Variants in LRRC37A2 observed in about 807,000 individuals in gnomAD.
LRRC37A2 encodes the protein leucine-rich repeat-containing protein 37A2.
LRRC37A2 carries 9 observed loss-of-function variants against 68.8 expected under a neutral mutation model. That is an observed-to-expected ratio of 0.13 (90% CI 0.08 to 0.23). LRRC37A2 has a LOEUF of 0.23. Ranked by LOEUF, LRRC37A2 falls within the 10% of genes least tolerant of loss-of-function variation. The pLI is 1.00. For synonymous variants in LRRC37A2, 63 were observed against 367.6 expected, an observed-to-expected ratio of 0.17 and a Z score of 9.48; for missense variants, 168 against 950.4, an observed-to-expected ratio of 0.18 and a Z score of 10.82.
chr17:46,727,663 T>C, the LRRC37A2 span, among the ~76,000 whole-genome samples: 1 of 152,212 alleles, frequency 6.6e-6, no homozygotes. Context: ...CTAGGTTTGA[T>C]ACATCTCAGC....
At chr17:46,499,256 G>A in the LRRC37A2 span, among the ~76,000 whole-genome samples, 1 of 125,926 alleles carries the variant, frequency 7.9e-6, no homozygotes, top group Non-Finnish European at 1.6e-5. Flanking sequence ...AGGTTGCAGG[G>A]AGCCAAGATT....
chr17:46,926,734 A>T, the LRRC37A2 span, among the ~76,000 whole-genome samples: 1 of 152,124 alleles, frequency 6.6e-6, no homozygotes, highest in Non-Finnish European at 1.5e-5. Flanking sequence ...TTTCATATTT[A>T]TGTTTTCTTA....
At chr17:46,791,245 G>A in the LRRC37A2 span, among the ~76,000 whole-genome samples, 29 of 149,862 alleles carry the variant, frequency 1.9e-4, no homozygotes, top group Non-Finnish European at 8.9e-5. Flanking sequence ...ACAGAGTCTC[G>A]CCCTGTCACC....
chr17:46,929,728 A>G, the LRRC37A2 span: 88 of 643,910 alleles, frequency 1.4e-4, no homozygotes, highest in African/African-American at 1.4e-3. Flanking sequence ...GAAAAACCCT[A>G]TGGCAAAGTC....
At chr17:46,559,009 G>A (rs1215048833), downstream of LRRC37A2, 13 of 85,708 alleles carry the variant, frequency 1.5e-4, no homozygotes, top group African/African-American at 7.2e-4. Context: ...ATGCACACTC[G>A]GCGGTACTGC....
At chr17:46,914,344 G>A in the LRRC37A2 span, among the ~76,000 whole-genome samples, 2 of 151,814 alleles carry the variant, frequency 1.3e-5, no homozygotes, top group African/African-American at 4.8e-5. Flanking sequence ...TTAAGAGAAG[G>A]GATAATAGAA....
the LRRC37A2 span, among the ~76,000 whole-genome samples, chr17:46,766,070 ACT>A: frequency 2.0e-5 from 3 of 152,044 alleles, no homozygotes; most frequent in Non-Finnish European, 2.9e-5. Context: ...GAAAAAAAAC[ACT>A]CATTGTCCAT....
At chr17:46,908,442 C>T in the LRRC37A2 span, among the ~76,000 whole-genome samples, 9 of 152,156 alleles carry the variant, frequency 5.9e-5, no homozygotes, top group Admixed American at 5.9e-4. Flanking sequence ...GGAAGGGCCC[C>T]TGACTGCCTG....
At chr17:47,013,585 C>T in the LRRC37A2 span, among the ~76,000 whole-genome samples, 1 of 152,186 alleles carries the variant, frequency 6.6e-6, no homozygotes, top group African/African-American at 2.4e-5. Flanking sequence ...GGAATGTGAA[C>T]CAAGATCTGG....
the LRRC37A2 span, among the ~76,000 whole-genome samples, chr17:47,034,382 C>T: frequency 4.3e-3 from 644 of 149,816 alleles, 2 homozygotes; most frequent in African/African-American, 0.015. Context: ...AATGGCCCTA[C>T]ATTTTGATTT....
chr17:46,801,263 T>C, the LRRC37A2 span, among the ~76,000 whole-genome samples: 2 of 152,194 alleles, frequency 1.3e-5, no homozygotes, highest in African/African-American at 4.8e-5. Context: ...GGGGCCAGGC[T>C]GAGGAGTATA....
chr17:46,835,994 A>G, the LRRC37A2 span, among the ~76,000 whole-genome samples: 1 of 151,950 alleles, frequency 6.6e-6, no homozygotes, highest in Non-Finnish European at 1.5e-5. Context: ...TGGACCTTAA[A>G]GTTATTGTGC....
chr17:46,795,880 T>A, the LRRC37A2 span, among the ~76,000 whole-genome samples: 1,196 of 151,944 alleles, frequency 7.9e-3, 12 homozygotes, highest in African/African-American at 0.027. Flanking sequence ...CCTCTCTCTC[T>A]CACACACACA....
chr17:46,723,490 C>G, the LRRC37A2 span, among the ~76,000 whole-genome samples: 1 of 152,210 alleles, frequency 6.6e-6, no homozygotes, highest in Non-Finnish European at 1.5e-5. Flanking sequence ...CCAAAAGGAA[C>G]CATCATTGTG....
chr17:46,972,780 T>A, the LRRC37A2 span, among the ~76,000 whole-genome samples: 1 of 151,956 alleles, frequency 6.6e-6, no homozygotes, highest in African/African-American at 2.4e-5. Flanking sequence ...GCACTCAATC[T>A]CCCGTGTGGA....
At chr17:46,999,086 C>T in the LRRC37A2 span, among the ~76,000 whole-genome samples, 8 of 151,880 alleles carry the variant, frequency 5.3e-5, no homozygotes, top group Non-Finnish European at 1.0e-4. Flanking sequence ...TCACCATCTG[C>T]TACCAACACC....
the LRRC37A2 span, among the ~76,000 whole-genome samples, chr17:46,974,109 A>G: frequency 6.6e-6 from 1 of 152,216 alleles, no homozygotes; most frequent in East Asian, 1.9e-4. Context: ...TTGCTGGTGA[A>G]GGCACAGCTG....
the LRRC37A2 span, chr17:46,937,879 A>G: frequency 6.5e-5 from 10 of 152,872 alleles, no homozygotes; most frequent in East Asian, 5.8e-4. Context: ...TTATTTATGT[A>G]TTTTTTGAGA....
At chr17:46,761,241 C>T in the LRRC37A2 span, among the ~76,000 whole-genome samples, 1 of 152,024 alleles carries the variant, frequency 6.6e-6, no homozygotes, top group Non-Finnish European at 1.5e-5. Flanking sequence ...GTGGCTATTC[C>T]TAACCTCAGG....
Sources: allele counts gnomAD v4.1 joint callset (sites outside exome capture counted in the v4.1 genomes callset), GRCh38; gene constraint gnomAD v4.1.1; transcripts MANE v1.5; gene names NCBI Gene and HGNC (gene_info 2026-07-23, HGNC 2026-07-21).